TPST1: variants seen among roughly 807,000 people sequenced by gnomAD.
TPST1 encodes protein-tyrosine sulfotransferase 1.
In TPST1, 20 loss-of-function variants were observed where a neutral mutation model predicts 34.8. The observed-to-expected ratio is 0.57, with a 90% CI of 0.40 to 0.84. TPST1 has a LOEUF of 0.84. Among genes scored for constraint, TPST1 ranks in the 40% least tolerant of loss-of-function variants. The pLI, the probability that TPST1 is intolerant of heterozygous loss-of-function variation, is 0.00. For synonymous variants in TPST1, 152 were observed against 159.4 expected (o/e 0.95, Z 0.35); for missense variants, 353 against 455.5 (o/e 0.78, Z 2.05).
rs1223291666 is a variant in TPST1, at chr7:66,360,366, G to C, written c.*501G>C. ...TCATTGTATTGTTTCTGAGAAGTTG[G>C]GAAATTACCATTATACATTTACAAC... On this transcript the variant is annotated 3_prime_UTR_variant, in exon 6 of 6. Transcript: ENST00000304842. 2 of 153,336 alleles carry C rather than the reference G, an allele frequency of 1.3e-5. No homozygotes were observed. Among genetic ancestry groups the C allele is most frequent in the African/African-American group, 4.8e-5 (2 of 41,490 alleles). 9.5% of individuals were successfully genotyped at this position (153,336 alleles called of 1,614,324 possible).
intron 2 of TPST1, among the ~76,000 whole-genome samples, chr7:66,243,941 A>ATTTTTTTTTTTTTTT (rs55829208): frequency 7.7e-5 from 9 of 116,234 alleles, no homozygotes; most frequent in Non-Finnish European, 8.7e-5. Context: ...ATTCTGGGAA[A>ATTTTTTTTTTTTTTT]TTTTTTTTTT....
At chr7:66,351,666 C>T (rs1214689135) in intron 3 of TPST1, among the ~76,000 whole-genome samples, 3 of 149,738 alleles carry the variant, frequency 2.0e-5, no homozygotes, top group Non-Finnish European at 4.4e-5. Context: ...TTACTCCCTC[C>T]CCTCCAAAAA....
rs975405433 is a variant in TPST1 at position 66,356,728 on chromosome 7, G to A, written c.1096-97G>A. The stretch of plus-strand genomic sequence containing the variant: ...CACTGAGTTCATCTGAAAGTGAACA[G>A]AGCCTGCGGGCCACCCCTCATGTTT... On this transcript the variant is annotated intron_variant, in intron 4 of 5. Coordinates refer to ENST00000304842, the MANE Select transcript of TPST1 (RefSeq NM_003596.4). 3.5e-6 allele frequency: 5 copies of A among 1,414,962 alleles called. No homozygotes were observed. The African/African-American group carries it at 7.0e-5, about 20-fold the overall frequency. The allele number at this position is 1,414,962 out of a possible 1,614,324, so 87.7% of individuals were successfully genotyped here. A position where few individuals can be genotyped will look rare whatever the true frequency, so the allele number is the denominator to read the frequency against.
At chr7:66,348,642 T>C (rs551053411) in intron 3 of TPST1, among the ~76,000 whole-genome samples, 7 of 152,364 alleles carry the variant, frequency 4.6e-5, no homozygotes, top group African/African-American at 1.7e-4. Context: ...CCTGAAAATA[T>C]TCAGATGTCC....
intron 1 of TPST1, among the ~76,000 whole-genome samples, chr7:66,220,599 G>C (rs150444669): frequency 6.7e-6 from 1 of 149,808 alleles, no homozygotes; most frequent in African/African-American, 2.5e-5. Flanking sequence ...CGCAAAAGCT[G>C]CAGTGCATGC....
chr7:66,280,189 T>C (rs1790904805), intron 2 of TPST1, among the ~76,000 whole-genome samples: 1 of 152,200 alleles, frequency 6.6e-6, no homozygotes, highest in East Asian at 1.9e-4. Context: ...CCTATTGTGG[T>C]CATTTTCTTT....
chr7:66,250,124 A>G (rs1445917675), intron 2 of TPST1, among the ~76,000 whole-genome samples: 2 of 152,254 alleles, frequency 1.3e-5, no homozygotes, highest in East Asian at 3.8e-4. Flanking sequence ...GATACCATCC[A>G]ACATCTACTG....
At chr7:66,227,398 CTTTT>C (rs931323175) in intron 1 of TPST1, among the ~76,000 whole-genome samples, 1 of 151,958 alleles carries the variant, frequency 6.6e-6, no homozygotes, top group African/African-American at 2.4e-5. Context: ...ATGGCACAAT[CTTTT>C]TGTTTAATTA....
Position 66,241,005 on chromosome 7 carries a change from A to T in TPST1, c.580A>T (p.Ile194Phe), listed in dbSNP as rs763349330. 11 of 1,614,188 alleles carry T rather than the reference A, an allele frequency of 6.8e-6. No homozygotes were observed. The highest frequency in any genetic ancestry group is 7.6e-6 in the Non-Finnish European group (9 of 1,180,024). The change falls in exon 2 of 6, where the codon ATT becomes TTT. Residue 194 changes from isoleucine (I) to phenylalanine (F), a missense_variant. Ile to Phe is a conservative substitution (Grantham distance 21). Coordinates refer to ENST00000304842, the MANE Select transcript of TPST1 (RefSeq NM_003596.4). The stretch of plus-strand genomic sequence containing the variant: ...TGGCCGGGCATCAGTACATTCAATG[A>T]TTTCTCGAAAAGTTACTATAGCTGG... ...RDGRASVHSM[I>F]SRKVTIAGFD... is the part of the protein sequence containing the mutation.
At chr7:66,235,895 C>T (rs968927560) in intron 1 of TPST1, among the ~76,000 whole-genome samples, 104 of 152,220 alleles carry the variant, frequency 6.8e-4, no homozygotes, top group African/African-American at 2.4e-3. Context: ...AGGTGAGAGA[C>T]GCACAGTTGC....
intron 3 of TPST1, among the ~76,000 whole-genome samples, chr7:66,308,893 AC>A (rs1791475644): frequency 1.3e-5 from 2 of 152,000 alleles, no homozygotes; most frequent in African/African-American, 4.8e-5. Context: ...TTATTTTCTA[AC>A]CTTTTGAATA....
At chr7:66,215,668 C>T (rs1444704722) in intron 1 of TPST1, among the ~76,000 whole-genome samples, 1 of 151,780 alleles carries the variant, frequency 6.6e-6, no homozygotes, top group Admixed American at 6.6e-5. Flanking sequence ...CCACCGCGCC[C>T]AGCCTCCTAA....
intron 1 of TPST1, among the ~76,000 whole-genome samples, chr7:66,235,574 A>T (rs185145845): frequency 1.8e-4 from 27 of 147,526 alleles, no homozygotes; most frequent in South Asian, 1.3e-3. Flanking sequence ...TTCCTTTTTT[A>T]AAAAAAAGCT....
the TPST1 span, among the ~76,000 whole-genome samples, chr7:66,200,040 T>C: frequency 6.6e-6 from 1 of 152,184 alleles, no homozygotes; most frequent in Non-Finnish European, 1.5e-5. Context: ...TGTGTCCTTC[T>C]TAAGAGCAAA....
intron 3 of TPST1, among the ~76,000 whole-genome samples, chr7:66,344,933 C>T (rs1792312903): frequency 6.7e-6 from 1 of 149,528 alleles, no homozygotes; most frequent in Admixed American, 6.7e-5. Flanking sequence ...ACCATGTTAG[C>T]CGGGATGGTC....
chr7:66,218,214 G>A (rs1276178237), intron 1 of TPST1, among the ~76,000 whole-genome samples: 1 of 152,082 alleles, frequency 6.6e-6, no homozygotes, highest in Non-Finnish European at 1.5e-5. Context: ...TTTTCTTCGT[G>A]TAGCCTTTTC....
In TPST1 at chr7:66,247,341, T is replaced by C. The variant is rs563532986; in HGVS notation, c.845+6071T>C. Among the ~76,000 whole-genome samples, 555 of 152,250 alleles carry C rather than the reference T, an allele frequency of 3.6e-3. 3 individuals carry two copies. Among genetic ancestry groups the C allele is most frequent in the Middle Eastern group, 0.014 (4 of 294 alleles). ...TACTCGGGAGGCTGAGGCAGGAGAA[T>C]CACTTGAACCTGGGAGGTGGAGGTT... On this transcript the variant is annotated intron_variant, in intron 2 of 5. Transcript: ENST00000304842.
At chr7:66,216,993 A>G (rs890485139) in intron 1 of TPST1, among the ~76,000 whole-genome samples, 2 of 151,934 alleles carry the variant, frequency 1.3e-5, no homozygotes, top group African/African-American at 4.8e-5. Context: ...ATATTTGTAA[A>G]TTTCCCAAAC....
chr7:66,356,335 C>T (rs4149467), intron 4 of TPST1, among the ~76,000 whole-genome samples: 5,610 of 152,258 alleles, frequency 0.037, 165 homozygotes, highest in East Asian at 0.088. Flanking sequence ...GTCACCCTCC[C>T]GGCACACCCA....
Sources: allele counts gnomAD v4.1 joint callset (sites outside exome capture counted in the v4.1 genomes callset), GRCh38; gene constraint gnomAD v4.1.1; transcripts MANE v1.5; gene names NCBI Gene and HGNC (gene_info 2026-07-23, HGNC 2026-07-21).